NEDD4L: variants seen among roughly 807,000 people sequenced by gnomAD.
NEDD4L encodes E3 ubiquitin-protein ligase NEDD4-like.
In NEDD4L, 54 loss-of-function variants were observed where a neutral mutation model predicts 148.9. The observed-to-expected ratio is 0.36, with a 90% CI of 0.29 to 0.45. The LOEUF is 0.45. NEDD4L is among the 20% of genes least tolerant of loss of function. The probability of loss-of-function intolerance (pLI) is 1.00; values close to 1 mark genes in which losing one functional copy is unlikely to be tolerated. For missense variants in NEDD4L, 856 were observed against 1,233.8 expected (o/e 0.69, Z 4.59); for synonymous variants, 433 against 440.7 (o/e 0.98, Z 0.22).
At chr18:58,328,440 G>A (rs970221773) in intron 9 of NEDD4L, among the ~76,000 whole-genome samples, 12 of 152,316 alleles carry the variant, frequency 7.9e-5, no homozygotes, top group African/African-American at 2.2e-4. Context: ...GCAGTGTCAC[G>A]ATTTTGAGAT....
chr18:58,162,470 G>A (rs1216020038), intron 1 of NEDD4L, among the ~76,000 whole-genome samples: 2 of 151,804 alleles, frequency 1.3e-5, no homozygotes, highest in African/African-American at 4.8e-5. Flanking sequence ...AGCCTTTCCT[G>A]ATCTCTCAGC....
At chr18:58,317,827 G>A (rs192266868) in intron 6 of NEDD4L, among the ~76,000 whole-genome samples, 1 of 152,272 alleles carries the variant, frequency 6.6e-6, no homozygotes, top group East Asian at 1.9e-4. Context: ...CTAGTTACTC[G>A]TGTGCCCAGA....
At position 58,222,244 on chromosome 18, in the gene NEDD4L, G is replaced by A. The variant is rs377071976; in HGVS notation, c.123-23183G>A. Among the ~76,000 whole-genome samples, 5 of 152,178 alleles carry A rather than the reference G, an allele frequency of 3.3e-5. No homozygotes were observed. The East Asian group carries it at 5.8e-4, about 18-fold the overall frequency. On this transcript the variant is annotated intron_variant, in intron 2 of 30. Coordinates refer to ENST00000400345, the MANE Select transcript of NEDD4L (RefSeq NM_001144967.3). ...TCTGACTTAGAAACCTCCTGGAGAA[G>A]AGGGAGATACCAGCTCTCCTTTGTT... is the stretch of plus-strand genomic sequence containing the variant.
At chr18:58,345,740 A>C (rs2042956174) in intron 16 of NEDD4L, among the ~76,000 whole-genome samples, 1 of 151,460 alleles carries the variant, frequency 6.6e-6, no homozygotes, top group Non-Finnish European at 1.5e-5. Context: ...TCTTTTTTTT[A>C]ATTATTATTT....
intron 25 of NEDD4L, 81 bp from the exon 26 acceptor site, chr18:58,385,445 G>A: frequency 8.9e-7 from 1 of 1,125,156 alleles, no homozygotes; most frequent in Non-Finnish European, 1.4e-6. Flanking sequence ...GGATGGAGGA[G>A]AAGCACTCCC....
chr18:58,285,159 C>T (rs959125910), intron 5 of NEDD4L, among the ~76,000 whole-genome samples: 1 of 152,150 alleles, frequency 6.6e-6, no homozygotes, highest in African/African-American at 2.4e-5. Flanking sequence ...TGAAGTACTT[C>T]CCCTGCTACT....
chr18:58,321,645 C>T (rs1315894965), intron 6 of NEDD4L, among the ~76,000 whole-genome samples: 1 of 152,240 alleles, frequency 6.6e-6, no homozygotes, highest in Non-Finnish European at 1.5e-5. Context: ...CATGCACGCG[C>T]ACACAAACCT....
At chr18:58,228,979 C>T (rs1433780276) in intron 2 of NEDD4L, among the ~76,000 whole-genome samples, 7 of 152,158 alleles carry the variant, frequency 4.6e-5, no homozygotes, top group East Asian at 1.9e-4. Context: ...TCTCGAGGCG[C>T]GGCTCACAAC....
chr18:58,224,128 C>T (rs1456330281), intron 2 of NEDD4L, among the ~76,000 whole-genome samples: 2 of 152,214 alleles, frequency 1.3e-5, no homozygotes, highest in East Asian at 1.9e-4. Context: ...ATGGAAAACG[C>T]ACCGCTTTCA....
chr18:58,277,160 G>C (rs1032131292), intron 5 of NEDD4L, among the ~76,000 whole-genome samples: 1 of 151,988 alleles, frequency 6.6e-6, no homozygotes, highest in African/African-American at 2.4e-5. Flanking sequence ...TGTGTATCTT[G>C]GCTTCTCTGA....
intron 5 of NEDD4L, among the ~76,000 whole-genome samples, chr18:58,272,892 A>G (rs12606637): frequency 0.19 from 28,558 of 152,130 alleles, 2,822 homozygotes; most frequent in African/African-American, 0.21. Flanking sequence ...GACACTCATA[A>G]GTCAAATACC....
chr18:58,335,572 A>G (rs749350536), intron 13 of NEDD4L, 35 bp downstream of exon 13: 4 of 1,504,078 alleles, frequency 2.7e-6, no homozygotes, highest in Non-Finnish European at 2.8e-6. Context: ...CAATAGCAAG[A>G]GGCCGTGAGG....
At chr18:58,294,760 A>G (rs1008703551) in intron 5 of NEDD4L, among the ~76,000 whole-genome samples, 4 of 151,866 alleles carry the variant, frequency 2.6e-5, no homozygotes, top group African/African-American at 2.4e-5. Flanking sequence ...GCCTCAGGCA[A>G]TCCTCCTGCC....
intron 1 of NEDD4L, among the ~76,000 whole-genome samples, chr18:58,066,939 G>GC: frequency 6.6e-6 from 1 of 152,258 alleles, no homozygotes; most frequent in South Asian, 2.1e-4. Flanking sequence ...ACTGGGGATT[G>GC]CAATTCCACA....
intron 1 of NEDD4L, among the ~76,000 whole-genome samples, chr18:58,077,360 T>C (rs949297479): frequency 4.0e-5 from 6 of 151,804 alleles, no homozygotes; most frequent in Non-Finnish European, 8.8e-5. Context: ...AGAGATAGGC[T>C]TTTGCCATGT....
At chr18:58,275,985 G>C (rs2051872574) in intron 5 of NEDD4L, among the ~76,000 whole-genome samples, 1 of 152,184 alleles carries the variant, frequency 6.6e-6, no homozygotes, top group African/African-American at 2.4e-5. Flanking sequence ...GTGTGGACTA[G>C]TGCCAGCAGG....
At chr18:58,071,768 G>A (rs997678696) in intron 1 of NEDD4L, among the ~76,000 whole-genome samples, 3 of 152,172 alleles carry the variant, frequency 2.0e-5, no homozygotes, top group African/African-American at 4.8e-5. Context: ...GGCAGAAGGC[G>A]AATGAGGTGC....
At chr18:58,179,322 T>C (rs541618646) in intron 2 of NEDD4L, among the ~76,000 whole-genome samples, 124 of 152,304 alleles carry the variant, frequency 8.1e-4, no homozygotes, top group Middle Eastern at 3.4e-3. Context: ...TGGCCTGGAA[T>C]GTCAAAATAT....
chr18:58,161,714 G>T (rs571137671), intron 1 of NEDD4L, among the ~76,000 whole-genome samples: 1 of 152,122 alleles, frequency 6.6e-6, no homozygotes, highest in Non-Finnish European at 1.5e-5. Flanking sequence ...TCTGGGGAGG[G>T]TCAGGAGGTG....
Sources: gnomAD v4.1 joint callset for allele counts (sites outside exome capture counted in the v4.1 genomes callset) on GRCh38, gnomAD v4.1.1 for gene constraint, MANE v1.5 for transcripts, NCBI Gene and HGNC (gene_info 2026-07-23, HGNC 2026-07-21) for gene names.